ROBO2: variants seen among roughly 807,000 people sequenced by gnomAD.
ROBO2 encodes roundabout homolog 2.
Under a neutral mutation model 160.8 loss-of-function variants are expected in ROBO2, and 53 were observed. That is an observed-to-expected ratio of 0.33 (90% CI 0.26 to 0.41). The LOEUF (loss-of-function observed/expected upper bound fraction) is 0.41. Among genes scored for constraint, ROBO2 ranks in the 10% least tolerant of loss-of-function variants. The pLI is 1.00. For synonymous variants in ROBO2, 664 were observed against 611.7 expected, an observed-to-expected ratio of 1.09 and a Z score of -1.26; for missense variants, 1,577 against 1,722.4, an observed-to-expected ratio of 0.92 and a Z score of 1.49.
chr3:76,829,190 T>C (rs2066849326), intron 2 of ROBO2, among the ~76,000 whole-genome samples: 1 of 152,144 alleles, frequency 6.6e-6, no homozygotes. Flanking sequence ...GCTCACAGTG[T>C]CTTCTTCCTC....
chr3:77,510,928 C>A (rs902294190), intron 5 of ROBO2, among the ~76,000 whole-genome samples: 1 of 151,818 alleles, frequency 6.6e-6, no homozygotes, highest in African/African-American at 2.4e-5. Context: ...CAGTAAAGAC[C>A]CAGATTTGCA....
intron 1 of ROBO2, among the ~76,000 whole-genome samples, chr3:75,933,843 C>T (rs576450085): frequency 1.3e-5 from 2 of 152,244 alleles, no homozygotes; most frequent in Admixed American, 1.3e-4. Flanking sequence ...CTGGAAACTT[C>T]GATTTGCTCT....
At chr3:77,210,593 A>T (rs2084002185) in intron 2 of ROBO2, among the ~76,000 whole-genome samples, 1 of 143,444 alleles carries the variant, frequency 7.0e-6, no homozygotes, top group Non-Finnish European at 1.6e-5. Flanking sequence ...CTCACAAATA[A>T]TTTTTTTATT....
intron 2 of ROBO2, among the ~76,000 whole-genome samples, chr3:77,399,153 T>C (rs1327507228): frequency 2.0e-5 from 3 of 152,284 alleles, no homozygotes; most frequent in African/African-American, 7.2e-5. Flanking sequence ...TTCAAGAAAA[T>C]ACTTGGGGCA....
At chr3:76,436,709 G>C (rs577827935) in intron 2 of ROBO2, among the ~76,000 whole-genome samples, 8 of 152,188 alleles carry the variant, frequency 5.3e-5, no homozygotes, top group Middle Eastern at 3.4e-3. Flanking sequence ...AAAATTAAGA[G>C]AAATCCCAGG....
At chr3:76,131,801 AT>A (rs529229947) in intron 2 of ROBO2, among the ~76,000 whole-genome samples, 258 of 152,280 alleles carry the variant, frequency 1.7e-3, no homozygotes, top group African/African-American at 6.0e-3. Flanking sequence ...AGATCATATT[AT>A]TCCCAATGTG....
intron 2 of ROBO2, among the ~76,000 whole-genome samples, chr3:76,141,582 C>G (rs1427684938): frequency 1.3e-5 from 2 of 151,550 alleles, no homozygotes; most frequent in African/African-American, 4.8e-5. Context: ...TAAGTTATAT[C>G]CAGTTACTTC....
At chr3:77,233,420 A>T (rs1467193902) in intron 2 of ROBO2, among the ~76,000 whole-genome samples, 7 of 152,152 alleles carry the variant, frequency 4.6e-5, no homozygotes, top group Non-Finnish European at 1.5e-5. Context: ...ACAAGAATAC[A>T]CTATTAGGCC....
intron 2 of ROBO2, among the ~76,000 whole-genome samples, chr3:77,316,326 A>G (rs1379853692): frequency 6.6e-6 from 1 of 152,168 alleles, no homozygotes; most frequent in Non-Finnish European, 1.5e-5. Flanking sequence ...ATCTGTATAA[A>G]AAAGTCTCAT....
chr3:76,113,834 G>A (rs1337192204), intron 2 of ROBO2, among the ~76,000 whole-genome samples: 3 of 152,052 alleles, frequency 2.0e-5, no homozygotes, highest in African/African-American at 4.8e-5. Context: ...CTCATAAATG[G>A]CTTGGCGCAC....
intron 2 of ROBO2, among the ~76,000 whole-genome samples, chr3:76,457,894 C>T (rs780958389): frequency 5.9e-5 from 9 of 152,044 alleles, no homozygotes; most frequent in Admixed American, 1.3e-4. Flanking sequence ...TTGGTTGGGG[C>T]GACTGGGACA....
chr3:77,123,416 C>G (rs62251800), intron 2 of ROBO2, among the ~76,000 whole-genome samples: 17,493 of 151,910 alleles, frequency 0.12, 1,751 homozygotes, highest in African/African-American at 0.27. Flanking sequence ...TACAAAGGTG[C>G]AAAAACTTTG....
chr3:76,490,166 G>A (rs1331035302), intron 2 of ROBO2, among the ~76,000 whole-genome samples: 7 of 152,016 alleles, frequency 4.6e-5, no homozygotes, highest in Admixed American at 4.6e-4. Context: ...TTTTTATGAC[G>A]AAAGAAATTT....
At chr3:77,113,249 A>G (rs1314565561) in intron 2 of ROBO2, among the ~76,000 whole-genome samples, 1 of 152,020 alleles carries the variant, frequency 6.6e-6, no homozygotes, top group Non-Finnish European at 1.5e-5. Flanking sequence ...ATTTATTTTT[A>G]TTTTCTTCCT....
intron 2 of ROBO2, among the ~76,000 whole-genome samples, chr3:76,967,178 T>G (rs182878811): frequency 1.3e-5 from 2 of 151,910 alleles, no homozygotes; most frequent in African/African-American, 4.8e-5. Flanking sequence ...GTTAGTACAC[T>G]GGCACAAGCT....
chr3:77,545,151 A>C (rs1347985535), intron 6 of ROBO2, among the ~76,000 whole-genome samples: 1 of 152,070 alleles, frequency 6.6e-6, no homozygotes, highest in Non-Finnish European at 1.5e-5. Flanking sequence ...CAGAGGGTTA[A>C]AGCTGCCAAA....
intron 2 of ROBO2, among the ~76,000 whole-genome samples, chr3:77,458,592 C>CT (rs67051518): frequency 3.9e-4 from 57 of 147,960 alleles, no homozygotes; most frequent in South Asian, 6.4e-4. Flanking sequence ...TTTTGTTTTT[C>CT]TTTTTTTTTT....
chr3:76,076,329 C>T (rs975232650), intron 2 of ROBO2, among the ~76,000 whole-genome samples: 1 of 152,190 alleles, frequency 6.6e-6, no homozygotes, highest in African/African-American at 2.4e-5. Context: ...ACCAGCACAA[C>T]TGTTTTAGTC....
At chr3:76,513,588 G>A (rs763706182) in intron 2 of ROBO2, among the ~76,000 whole-genome samples, 30 of 152,158 alleles carry the variant, frequency 2.0e-4, no homozygotes, top group Non-Finnish European at 3.8e-4. Flanking sequence ...TATTTAAAAT[G>A]AGCCAACCAG....
Sources: allele counts gnomAD v4.1 joint callset (sites outside exome capture counted in the v4.1 genomes callset), GRCh38; gene constraint gnomAD v4.1.1; transcripts MANE v1.5; gene names NCBI Gene and HGNC (gene_info 2026-07-23, HGNC 2026-07-21).